RBFOX1: variants seen among roughly 807,000 people sequenced by gnomAD.
The protein encoded by RBFOX1 is RNA binding fox-1 homolog 1.
In RBFOX1, 8 loss-of-function variants were observed where a neutral mutation model predicts 57.7. The ratio of observed to expected loss-of-function variants is 0.14; its 90% CI spans 0.08 to 0.25. RBFOX1 has a LOEUF of 0.25. Ranked by LOEUF, RBFOX1 falls within the 10% of genes least tolerant of loss-of-function variation. The probability of loss-of-function intolerance (pLI) is 1.00; values close to 1 mark genes in which losing one functional copy is unlikely to be tolerated. For missense variants in RBFOX1, 611 were observed against 548.5 expected (o/e 1.11, Z -1.14); for synonymous variants, 326 against 222.4 (o/e 1.47, Z -4.15).
intron 2 of RBFOX1, among the ~76,000 whole-genome samples, chr16:5,562,577 A>G (rs1440636428): frequency 6.6e-6 from 1 of 152,080 alleles, no homozygotes; most frequent in African/African-American, 2.4e-5. Context: ...CTATGGCAGA[A>G]CTGGCCTCAG....
At chr16:6,469,202 G>T (rs2095118793) in intron 2 of RBFOX1, among the ~76,000 whole-genome samples, 1 of 152,148 alleles carries the variant, frequency 6.6e-6, no homozygotes, top group Non-Finnish European at 1.5e-5. Flanking sequence ...AAAAGAAAGT[G>T]CAGAGTAAAA....
chr16:7,625,838 C>T (rs1310858033), intron 10 of RBFOX1, among the ~76,000 whole-genome samples: 1 of 152,150 alleles, frequency 6.6e-6, no homozygotes, highest in Non-Finnish European at 1.5e-5. Context: ...AGCATGGCTG[C>T]CTATCAGAAA....
At chr16:6,651,774 T>A (rs1158909298) in intron 2 of RBFOX1, among the ~76,000 whole-genome samples, 2 of 152,186 alleles carry the variant, frequency 1.3e-5, no homozygotes, top group Non-Finnish European at 2.9e-5. Flanking sequence ...CATAGCAGCA[T>A]CATTCACAAT....
At chr16:7,275,902 A>G (rs2095430955) in intron 4 of RBFOX1, among the ~76,000 whole-genome samples, 1 of 152,150 alleles carries the variant, frequency 6.6e-6, no homozygotes, top group Non-Finnish European at 1.5e-5. Context: ...TTGCTGTAAG[A>G]CTTGGTGTTG....
chr16:5,551,452 T>C (rs535927506), intron 2 of RBFOX1, among the ~76,000 whole-genome samples: 1 of 152,290 alleles, frequency 6.6e-6, no homozygotes, highest in Non-Finnish European at 1.5e-5. Context: ...ACCACTAAAT[T>C]GTGCTGCCTG....
chr16:6,860,146 CAT>C lies in RBFOX1; in HGVS notation c.-15-191908_-15-191907del, dbSNP rs372699191. ...CGCTAGCTGTTCACTGCTTTCCTGG[CAT>C]ATGTTTTTCTTGCTTCATTTTCTGA... On this transcript the variant is annotated intron_variant, in intron 3 of 15. Transcript: ENST00000550418. Among the ~76,000 whole-genome samples the C allele has an allele frequency of 5.6e-3, 859 of 152,270 alleles. 13 individuals carry two copies. The highest frequency in any genetic ancestry group is 0.02 in the African/African-American group (812 of 41,572).
chr16:7,551,625 G>GT (rs1373710475), intron 5 of RBFOX1, among the ~76,000 whole-genome samples: 1 of 152,188 alleles, frequency 6.6e-6, no homozygotes, highest in Non-Finnish European at 1.5e-5. Context: ...GGGTAATGCA[G>GT]TGGAATACTG....
intron 2 of RBFOX1, among the ~76,000 whole-genome samples, chr16:6,518,417 CAG>C (rs904792093): frequency 6.6e-6 from 1 of 152,138 alleles, no homozygotes; most frequent in African/African-American, 2.4e-5. Flanking sequence ...GTGCACCAAT[CAG>C]GGGCCAGGTG....
At chr16:5,693,916 A>T (rs2050770154) in intron 3 of RBFOX1, among the ~76,000 whole-genome samples, 1 of 151,946 alleles carries the variant, frequency 6.6e-6, no homozygotes, top group African/African-American at 2.4e-5. Flanking sequence ...TCATTCCCCC[A>T]CCTCGTCACA....
At chr16:5,415,947 T>C (rs2067149316) in intron 1 of RBFOX1, among the ~76,000 whole-genome samples, 1 of 152,166 alleles carries the variant, frequency 6.6e-6, no homozygotes, top group Admixed American at 6.5e-5. Flanking sequence ...TGCATGTGTG[T>C]GGACTCAGAG....
Position 7,437,649 on chromosome 16 carries a change from A to T in RBFOX1, c.28-80498A>T, listed in dbSNP as rs541647141. On this transcript the variant is annotated intron_variant, in intron 4 of 15. Transcript: ENST00000550418. Reference sequence around the variant, plus strand: ...GGCTGTAATTAGAATAAGTCAAATCAGTTGGAAACGATTAAGGCCGGAGTA... The same window carrying T: ...GGCTGTAATTAGAATAAGTCAAATCTGTTGGAAACGATTAAGGCCGGAGTA... 5.3e-5 allele frequency among the ~76,000 whole-genome samples: 8 copies of T among 152,328 alleles called. No individual in the cohort carries two copies. In the South Asian group the frequency reaches 1.7e-3, roughly 32 times the overall value.
intron 5 of RBFOX1, among the ~76,000 whole-genome samples, chr16:7,562,373 A>G (rs1339920124): frequency 6.6e-6 from 1 of 152,162 alleles, no homozygotes; most frequent in Non-Finnish European, 1.5e-5. Flanking sequence ...AAGTTACAGA[A>G]GAGGGCAGGA....
At chr16:7,274,136 C>T (rs958268507) in intron 4 of RBFOX1, among the ~76,000 whole-genome samples, 4 of 152,116 alleles carry the variant, frequency 2.6e-5, no homozygotes, top group African/African-American at 9.7e-5. Flanking sequence ...TTTATGATGC[C>T]TTTGTCTATC....
At chr16:6,478,197 A>G (rs2095303913) in intron 2 of RBFOX1, among the ~76,000 whole-genome samples, 1 of 90,696 alleles carries the variant, frequency 1.1e-5, no homozygotes, top group African/African-American at 3.6e-5. Context: ...TAGTTGGTGC[A>G]GGAGCCTAGC....
intron 4 of RBFOX1, among the ~76,000 whole-genome samples, chr16:5,965,793 G>T (rs908017706): frequency 6.6e-6 from 1 of 152,144 alleles, no homozygotes; most frequent in African/African-American, 2.4e-5. Flanking sequence ...TGGGTGTGGG[G>T]ACCAGGTTTC....
Position 7,573,988 on chromosome 16 carries a change from G to C in RBFOX1, c.271-5789G>C, listed in dbSNP as rs2093057156. On this transcript the variant is annotated intron_variant, in intron 5 of 15. Coordinates refer to ENST00000550418, the MANE Select transcript of RBFOX1 (RefSeq NM_018723.4). ...TCTAGATGGTTTGTCCTATTAGCAA[G>C]TTTCCTAGCTTTTTCACATTTTCTT... Among the ~76,000 whole-genome samples, 3 of 152,128 alleles carry C rather than the reference G, an allele frequency of 2.0e-5. No homozygotes were observed. The South Asian group carries it at 6.2e-4, about 32-fold the overall frequency.
At chr16:6,716,381 C>G (rs2064825712) in intron 3 of RBFOX1, among the ~76,000 whole-genome samples, 1 of 152,172 alleles carries the variant, frequency 6.6e-6, no homozygotes. Context: ...AGGTATCTAA[C>G]TGGAAGGCTG....
chr16:7,367,610 G>T (rs956669719), intron 4 of RBFOX1, among the ~76,000 whole-genome samples: 1 of 152,180 alleles, frequency 6.6e-6, no homozygotes. Flanking sequence ...TCCAGACTCT[G>T]ATGCTCACAA....
intron 3 of RBFOX1, among the ~76,000 whole-genome samples, chr16:5,866,878 C>T (rs1008879975): frequency 6.6e-6 from 1 of 152,124 alleles, no homozygotes; most frequent in African/African-American, 2.4e-5. Flanking sequence ...CTGTTGCTGT[C>T]ATTGTAGCTT....
Sources: gnomAD v4.1 joint callset for allele counts (sites outside exome capture counted in the v4.1 genomes callset) on GRCh38, gnomAD v4.1.1 for gene constraint, MANE v1.5 for transcripts, NCBI Gene and HGNC (gene_info 2026-07-23, HGNC 2026-07-21) for gene names.